C8B: variants seen among roughly 807,000 people sequenced by gnomAD.
C8B encodes complement C8 beta chain.
A neutral mutation model predicts 64.6 loss-of-function variants in C8B; 67 were observed. The observed-to-expected ratio is 1.04, with a 90% CI of 0.85 to 1.27. The LOEUF (loss-of-function observed/expected upper bound fraction) is 1.27, where lower values mean the gene tolerates loss of function less well. C8B is among the 50% of genes most tolerant of loss of function. C8B has a pLI of 0.00. For missense variants in C8B, 790 were observed against 725.2 expected (o/e 1.09, Z -1.03); for synonymous variants, 284 against 257.7 (o/e 1.10, Z -0.98).
At chr1:56,936,510 G>A (rs1644776543) in intron 9 of C8B, among the ~76,000 whole-genome samples, 3 of 122,608 alleles carry the variant, frequency 2.4e-5, no homozygotes, top group South Asian at 6.6e-4. Flanking sequence ...CTCATTTGTG[G>A]TAAATTTTTT....
chr1:56,960,312 C>A, intron 1 of C8B, 136 bp from the exon 2 acceptor site: 1 of 756,790 alleles, frequency 1.3e-6, no homozygotes, highest in Non-Finnish European at 2.3e-6. Flanking sequence ...CCAGGATAAC[C>A]TATCCTGGAA....
At chr1:56,950,893 C>T (rs1384690443) in intron 5 of C8B, among the ~76,000 whole-genome samples, 2 of 152,146 alleles carry the variant, frequency 1.3e-5, no homozygotes, top group Non-Finnish European at 2.9e-5. Flanking sequence ...GAGTTAGGAT[C>T]CACTTGCACC....
chr1:56,958,928 C>T (rs931696063), intron 2 of C8B, among the ~76,000 whole-genome samples: 7 of 152,214 alleles, frequency 4.6e-5, no homozygotes, highest in African/African-American at 7.2e-5. Context: ...GAAATAGCAA[C>T]CATTCTCTTT....
intron 1 of C8B, among the ~76,000 whole-genome samples, chr1:56,962,252 C>T (rs989858178): frequency 6.6e-6 from 1 of 152,092 alleles, no homozygotes; most frequent in Non-Finnish European, 1.5e-5. Flanking sequence ...CATTTTTGCA[C>T]CCAATTTTCA....
At chr1:56,951,686 A>G (rs888756112) in intron 5 of C8B, among the ~76,000 whole-genome samples, 3 of 152,126 alleles carry the variant, frequency 2.0e-5, no homozygotes, top group African/African-American at 7.2e-5. Flanking sequence ...GCAGGGTAGG[A>G]CCTCTATAAC....
chr1:56,965,302 T>C (rs146092968), intron 1 of C8B, among the ~76,000 whole-genome samples: 180 of 152,170 alleles, frequency 1.2e-3, no homozygotes, highest in African/African-American at 4.0e-3. Flanking sequence ...TTAGCTTGTT[T>C]TGCACCTTGT....
intron 11 of C8B, among the ~76,000 whole-genome samples, chr1:56,930,240 T>C (rs1465063773): frequency 1.3e-5 from 2 of 152,222 alleles, no homozygotes; most frequent in East Asian, 3.8e-4. Context: ...GTAGATGAAG[T>C]GACAACAGAC....
chr1:56,938,354 G>T (rs1644803118), intron 9 of C8B, among the ~76,000 whole-genome samples: 1 of 152,152 alleles, frequency 6.6e-6, no homozygotes, highest in Admixed American at 6.5e-5. Context: ...TTCTGTTATT[G>T]TATGTTTGGC....
chr1:56,955,687 A>G (rs980812329), intron 3 of C8B, among the ~76,000 whole-genome samples: 1 of 152,252 alleles, frequency 6.6e-6, no homozygotes, highest in Non-Finnish European at 1.5e-5. Flanking sequence ...AACACAGGCC[A>G]TAATGAGTCC....
rs184653685 is a variant in C8B at position 56,954,625 on chromosome 1, C to A, written c.533+61G>T. ...TATATCAGTTCTCTCATTCTCTATC[C>A]GCCAGAATTCCATTTAATGCTGTGC... On this transcript the variant is annotated intron_variant, in intron 4 of 11. Coordinates refer to ENST00000371237, the MANE Select transcript of C8B (RefSeq NM_000066.4). 2.1e-3 allele frequency: 3,433 copies of A among 1,602,198 alleles called. 86 individuals carry two copies. The South Asian group carries it at 0.034, about 16-fold the overall frequency.
chr1:56,960,556 G>A (rs1251706921), intron 1 of C8B, among the ~76,000 whole-genome samples: 2 of 152,262 alleles, frequency 1.3e-5, no homozygotes, highest in Non-Finnish European at 2.9e-5. Context: ...CCCATGGCTG[G>A]AGCTGTGCAG....
intron 9 of C8B, among the ~76,000 whole-genome samples, chr1:56,936,511 TA>T (rs60465007): frequency 0.3 from 40,512 of 133,374 alleles, 6,164 homozygotes; most frequent in East Asian, 0.54. Context: ...TCATTTGTGG[TA>T]AATTTTTTTT....
At chr1:56,958,172 A>G (rs1645128805) in intron 2 of C8B, among the ~76,000 whole-genome samples, 1 of 152,174 alleles carries the variant, frequency 6.6e-6, no homozygotes. Flanking sequence ...GAAAGTGATT[A>G]CAGGATTTTA....
intron 3 of C8B, 78 bp downstream of exon 3, chr1:56,956,691 A>G: frequency 2.6e-6 from 4 of 1,528,052 alleles, no homozygotes; most frequent in Non-Finnish European, 3.6e-6. Flanking sequence ...TGAGCACTGG[A>G]CATGGCCTGT....
At position 56,952,179 on chromosome 1, in the gene C8B, T is replaced by C; in HGVS notation, c.535A>G (p.Ile179Val). The change falls in exon 5 of 12, where the codon ATA becomes GTA. Residue 179 changes from isoleucine (I) to valine (V), a missense_variant and splice_region_variant. By Grantham distance (29) the Ile-to-Val change is conservative. Coordinates refer to ENST00000371237, the MANE Select transcript of C8B (RefSeq NM_000066.4). ...TCAAAACTGTTTGTGAACAAATTTA[T>C]CCTGTGAGGAAGAGACAGAGATGGC... is the stretch of plus-strand genomic sequence containing the variant. Reference protein sequence around the residue: ...YWGIGSLASGINLFTNSFEGP... With the variant: ...YWGIGSLASGVNLFTNSFEGP... 2 of 1,614,156 alleles carry C rather than the reference T, an allele frequency of 1.2e-6. No individual in the cohort carries two copies. The highest frequency in any genetic ancestry group is 1.7e-6 in the Non-Finnish European group (2 of 1,180,000).
chr1:56,946,112 G>A (rs1275686143), intron 6 of C8B, 51 bp from the exon 7 acceptor site: 2 of 1,607,320 alleles, frequency 1.2e-6, no homozygotes, highest in African/African-American at 1.3e-5. Context: ...TTAGGAATCT[G>A]GAACGAGAAG....
At chr1:56,965,487 G>A (rs1287725113) in intron 1 of C8B, among the ~76,000 whole-genome samples, 1 of 151,390 alleles carries the variant, frequency 6.6e-6, no homozygotes, top group Non-Finnish European at 1.5e-5. Flanking sequence ...AGGTAGAGTA[G>A]GTCAATCTCA....
intron 5 of C8B, among the ~76,000 whole-genome samples, chr1:56,950,016 T>A (rs1219257997): frequency 6.6e-6 from 1 of 152,150 alleles, no homozygotes; most frequent in Non-Finnish European, 1.5e-5. Context: ...GGGAACATTC[T>A]GGGCTGTGGG....
chr1:56,931,521 G>A, intron 11 of C8B: 1 of 382,728 alleles, frequency 2.6e-6, no homozygotes, highest in Non-Finnish European at 5.0e-6. Flanking sequence ...ATACTAAGCA[G>A]GAAAAGAGGG....
Sources: allele counts gnomAD v4.1 joint callset (sites outside exome capture counted in the v4.1 genomes callset), GRCh38; gene constraint gnomAD v4.1.1; transcripts MANE v1.5; gene names NCBI Gene and HGNC (gene_info 2026-07-23, HGNC 2026-07-21).